Variants in HSDL1 observed in about 807,000 individuals in gnomAD.
The protein encoded by HSDL1 is inactive hydroxysteroid dehydrogenase-like protein 1.
HSDL1 carries 29 observed loss-of-function variants against 31.5 expected under a neutral mutation model. The ratio of observed to expected loss-of-function variants is 0.92; its 90% CI spans 0.69 to 1.26. The LOEUF (loss-of-function observed/expected upper bound fraction) is 1.26, where lower values mean the gene tolerates loss of function less well. Ranked by LOEUF, HSDL1 falls within the 50% of genes most tolerant of loss-of-function variation. HSDL1 has a pLI of 0.00. For synonymous variants in HSDL1, 222 were observed against 155.2 expected (o/e 1.43, Z -3.20); for missense variants, 503 against 416.6 (o/e 1.21, Z -1.81).
chr16:84,128,810 C>T (rs544144935), intron 5 of HSDL1, among the ~76,000 whole-genome samples: 7 of 151,740 alleles, frequency 4.6e-5, no homozygotes, highest in African/African-American at 7.3e-5. Flanking sequence ...AGGGTTCAAG[C>T]GATTCTCCTG....
At chr16:84,139,914 A>T (rs1242250516) in intron 1 of HSDL1, among the ~76,000 whole-genome samples, 1 of 151,974 alleles carries the variant, frequency 6.6e-6, no homozygotes, top group East Asian at 1.9e-4. Context: ...ATAAATCTTA[A>T]TTTTTTCAGA....
chr16:84,127,209 CTTTTTTTTTT>C (rs71148881), intron 5 of HSDL1, among the ~76,000 whole-genome samples: 13 of 93,376 alleles, frequency 1.4e-4, no homozygotes, highest in Admixed American at 3.7e-4. Context: ...ACTGTTTCTT[CTTTTTTTTTT>C]TTTTTTTTTT....
chr16:84,126,882 T>C (rs2086612723), intron 5 of HSDL1, among the ~76,000 whole-genome samples: 1 of 152,196 alleles, frequency 6.6e-6, no homozygotes, highest in Non-Finnish European at 1.5e-5. Flanking sequence ...TGAAAATAAT[T>C]TGAGTAACAT....
intron 1 of HSDL1, 145 bp from the exon 2 acceptor site, chr16:84,135,750 A>C (rs2086706371): frequency 6.6e-6 from 1 of 152,284 alleles, no homozygotes; most frequent in South Asian, 2.1e-4. Context: ...TAGAGGCAGC[A>C]AACCATGTAC....
intron 2 of HSDL1, among the ~76,000 whole-genome samples, chr16:84,133,046 T>C (rs1426787604): frequency 2.0e-5 from 3 of 149,994 alleles, no homozygotes; most frequent in African/African-American, 7.3e-5. Context: ...AGCCTAAGTT[T>C]GAGAAAGAAT....
chr16:84,124,349 G>C lies in HSDL1; in HGVS notation c.*281C>G, dbSNP rs975773078. 7.6e-6 allele frequency: 2 copies of C among 264,152 alleles called. No individual in the cohort carries two copies. Among genetic ancestry groups the C allele is most frequent in the Admixed American group, 9.6e-5 (2 of 20,760 alleles). The allele number at this position is 264,152 out of a possible 1,614,324, so 16.4% of individuals were successfully genotyped here. A position where few individuals can be genotyped will look rare whatever the true frequency, so the allele number is the denominator to read the frequency against. On this transcript the variant is annotated 3_prime_UTR_variant, in exon 6 of 6. Coordinates refer to ENST00000219439, the MANE Select transcript of HSDL1 (RefSeq NM_031463.5). ...TCAATATTAGACTGCTGTGGCTCTA[G>C]AACAACAGAAAAGCGTAACTTTCAA...
chr16:84,132,853 G>A (rs1014586451), intron 2 of HSDL1, among the ~76,000 whole-genome samples: 1 of 151,474 alleles, frequency 6.6e-6, no homozygotes, highest in African/African-American at 2.4e-5. Context: ...ATATTACAGG[G>A]AACTCAGATA....
intron 1 of HSDL1, among the ~76,000 whole-genome samples, chr16:84,140,593 T>C (rs1043733060): frequency 1.3e-5 from 2 of 152,130 alleles, no homozygotes; most frequent in Non-Finnish European, 2.9e-5. Flanking sequence ...CAAAAGTATG[T>C]AAAACCTATT....
At chr16:84,131,511 A>G (rs1278138191) in intron 2 of HSDL1, among the ~76,000 whole-genome samples, 184 bp from the exon 3 acceptor site, 1 of 151,626 alleles carries the variant, frequency 6.6e-6, no homozygotes, top group Non-Finnish European at 1.5e-5. Context: ...CTATCTATCT[A>G]TCTATCTATC....
Position 84,122,249 on chromosome 16 carries a change from C to T in HSDL1, c.*2381G>A, listed in dbSNP as rs1421847476. 6.6e-6 allele frequency: 1 copy of T among 152,392 alleles called. No individual in the cohort carries two copies. The highest frequency in any genetic ancestry group is 2.4e-5 in the African/African-American group (1 of 41,272). 9.4% of individuals were successfully genotyped at this position (152,392 alleles called of 1,614,324 possible). ...AAATTCTCTCATTCCAAATTACAAACAACCAAATTACAAACATCTGGAACA... is the reference window on the plus strand; with the variant it reads ...AAATTCTCTCATTCCAAATTACAAATAACCAAATTACAAACATCTGGAACA... On this transcript the variant is annotated 3_prime_UTR_variant, in exon 6 of 6. Coordinates refer to ENST00000219439, the MANE Select transcript of HSDL1 (RefSeq NM_031463.5).
chr16:84,144,162 A>T (rs1022161774), intron 1 of HSDL1: 1 of 151,030 alleles, frequency 6.6e-6, no homozygotes, highest in African/African-American at 2.4e-5. Context: ...CTTTATTCCT[A>T]TTGTCTCACT....
chr16:84,136,888 C>G (rs929267980), intron 1 of HSDL1, among the ~76,000 whole-genome samples: 1 of 152,128 alleles, frequency 6.6e-6, no homozygotes, highest in Non-Finnish European at 1.5e-5. Flanking sequence ...AGAGGCAGCT[C>G]AAGACAAAGA....
At chr16:84,142,338 A>G (rs2086776130) in intron 1 of HSDL1, among the ~76,000 whole-genome samples, 1 of 144,572 alleles carries the variant, frequency 6.9e-6, no homozygotes, top group South Asian at 2.2e-4. Context: ...TTTTCGAATT[A>G]TTTTCTAGAA....
chr16:84,135,191 C>A (rs1487791437), intron 2 of HSDL1, among the ~76,000 whole-genome samples: 1 of 151,670 alleles, frequency 6.6e-6, no homozygotes, highest in Non-Finnish European at 1.5e-5. Flanking sequence ...CAAGATCGCG[C>A]CACTGCACTC....
chr16:84,144,949 C>T (rs2086831729), intron 1 of HSDL1, 131 bp downstream of exon 1: 1 of 152,714 alleles, frequency 6.5e-6, no homozygotes, highest in Non-Finnish European at 1.5e-5. Flanking sequence ...CGGAGGGGGC[C>T]CGGGGCCTGG....
chr16:84,128,652 T>C (rs2086631993), intron 5 of HSDL1, among the ~76,000 whole-genome samples: 1 of 152,172 alleles, frequency 6.6e-6, no homozygotes, highest in Non-Finnish European at 1.5e-5. Context: ...TACTTTGAAA[T>C]TCCCATGTAA....
At chr16:84,127,893 G>A (rs969072859) in intron 5 of HSDL1, among the ~76,000 whole-genome samples, 3 of 150,432 alleles carry the variant, frequency 2.0e-5, no homozygotes, top group Non-Finnish European at 4.4e-5. Context: ...TAATTTTTTT[G>A]TATTTTTAAT....
At chr16:84,142,773 C>T (rs2086780696) in intron 1 of HSDL1, among the ~76,000 whole-genome samples, 1 of 152,162 alleles carries the variant, frequency 6.6e-6, no homozygotes, top group Admixed American at 6.5e-5. Context: ...TGACATGCTG[C>T]TGTAGACAAC....
chr16:84,131,206 G>C lies in HSDL1; in HGVS notation c.116C>G (p.Thr39Ser), dbSNP rs755342121. 7 of 1,614,034 alleles carry C rather than the reference G, an allele frequency of 4.3e-6. No homozygotes were observed. Among genetic ancestry groups the C allele is most frequent in the East Asian group, 2.2e-5 (1 of 44,890 alleles). The change falls in exon 3 of 6, where the codon ACT becomes AGT. Residue 39 changes from threonine to serine, a missense_variant. Thr to Ser is a moderately conservative substitution (Grantham distance 58). Coordinates refer to ENST00000219439, the MANE Select transcript of HSDL1 (RefSeq NM_031463.5). ...CAGGCTGTAAAAGTCACAGATGACA[G>C]TGATGCTTTTTCTGGCCGTATACCA... The part of the protein sequence containing the change: ...GAWYTARKSI[T>S]VICDFYSLIR...
Sources: allele counts gnomAD v4.1 joint callset (sites outside exome capture counted in the v4.1 genomes callset), GRCh38; gene constraint gnomAD v4.1.1; transcripts MANE v1.5; gene names NCBI Gene and HGNC (gene_info 2026-07-23, HGNC 2026-07-21).